TMEM185A: variants seen among roughly 807,000 people sequenced by gnomAD.
The protein encoded by TMEM185A is transmembrane protein 185A, also known as family with sequence similarity 11, member A.
In TMEM185A, 9 loss-of-function variants were observed where a neutral mutation model predicts 25.0. The observed-to-expected ratio is 0.36, with a 90% CI of 0.22 to 0.63. The LOEUF (loss-of-function observed/expected upper bound fraction) is 0.63. Among genes scored for constraint, TMEM185A ranks in the 20% least tolerant of loss-of-function variants. TMEM185A has a pLI of 0.68. For synonymous variants in TMEM185A, 45 were observed against 93.5 expected (o/e 0.48, Z 2.99); for missense variants, 103 against 237.4 (o/e 0.43, Z 3.72).
chrX:149,603,872 G>A (rs1419368448), intron 4 of TMEM185A, 115 bp downstream of exon 4: 1 of 558,203 alleles, frequency 1.8e-6, no homozygotes, highest in African/African-American at 2.3e-5. Context: ...GGGATTATGG[G>A]TGACTATTAG....
Position 149,611,294 on chromosome X carries a change from G to A in TMEM185A, c.208C>T (p.Gln70Ter), listed in dbSNP as rs1557354457. ...VGTGVWARNP[Q>*]YRAEGETCVE... ...TGTATAAAGCAGTATTACCGATATTGAGGATTTCGTGCCCAGACTCCAGTT... is the reference window on the plus strand; with the variant it reads ...TGTATAAAGCAGTATTACCGATATTAAGGATTTCGTGCCCAGACTCCAGTT... Residue 70 changes from glutamine to a stop codon, truncating the protein, a stop_gained, in exon 2 of 7, where the codon CAA becomes TAA. Transcript: ENST00000600449. LOFTEE classifies it high-confidence loss of function. 1 of 1,208,326 alleles carries A rather than the reference G, an allele frequency of 8.3e-7. No homozygotes were observed. The highest frequency in any genetic ancestry group is 2.2e-5 in the Admixed American group (1 of 45,481).
At chrX:149,619,999 G>C (rs782011725) in intron 1 of TMEM185A, among the ~76,000 whole-genome samples, 51 of 111,605 alleles carry the variant, frequency 4.6e-4, no homozygotes, top group Non-Finnish European at 8.9e-4. Context: ...AGGTGCTGGA[G>C]AGGATGTGGA....
Position 149,631,654 on chromosome X carries a change from G to A in TMEM185A, c.-74C>T. ...TGCTGCACAGCCTGCGCCTTACAGCGGGTTCATGGCGCCAGCGCCAGCCGC... is the reference window on the plus strand; with the variant it reads ...TGCTGCACAGCCTGCGCCTTACAGCAGGTTCATGGCGCCAGCGCCAGCCGC... On this transcript the variant is annotated 5_prime_UTR_variant, in exon 1 of 7. Transcript: ENST00000600449. 1 of 1,001,481 alleles carries A rather than the reference G, an allele frequency of 1.0e-6. No individual in the cohort carries two copies. Among genetic ancestry groups the A allele is most frequent in the Non-Finnish European group, 1.3e-6 (1 of 751,126 alleles). 82.5% of individuals were successfully genotyped at this position (1,001,481 alleles called of 1,213,427 possible). A position where few individuals can be genotyped will look rare whatever the true frequency, so the allele number is the denominator to read the frequency against.
rs182696226 is a variant in TMEM185A, at chrX:149,607,607, T to C, written c.423+1020A>G. Among the ~76,000 whole-genome samples, 131 of 113,030 alleles carry C rather than the reference T, an allele frequency of 1.2e-3. 1 individual carries two copies. Among genetic ancestry groups the C allele is most frequent in the African/African-American group, 3.9e-3 (123 of 31,149 alleles). Reference sequence around the variant, plus strand: ...CTTTCATTACTATTATTACTAGTCCTGGTATTTTATTCATCTGCATATCCT... The same window carrying C: ...CTTTCATTACTATTATTACTAGTCCCGGTATTTTATTCATCTGCATATCCT... On this transcript the variant is annotated intron_variant, in intron 3 of 6. Coordinates refer to ENST00000600449, the MANE Select transcript of TMEM185A (RefSeq NM_032508.4).
At chrX:149,607,157 A>G (rs2090056743) in intron 3 of TMEM185A, among the ~76,000 whole-genome samples, 1 of 111,467 alleles carries the variant, frequency 9.0e-6, no homozygotes, top group African/African-American at 3.3e-5. Flanking sequence ...GCCTTGCTCC[A>G]TCACCGTCCC....
intron 3 of TMEM185A, among the ~76,000 whole-genome samples, chrX:149,605,451 G>A (rs1242869053): frequency 1.2e-5 from 1 of 85,632 alleles, no homozygotes; most frequent in Non-Finnish European, 2.2e-5. Context: ...GGCCTCCCAT[G>A]TCACTTTCTA....
rs782050026 is a variant in TMEM185A, at chrX:149,611,363, T to C, written c.139A>G (p.Ile47Val). 27 of 1,209,931 alleles carry C rather than the reference T, an allele frequency of 2.2e-5. 1 individual carries two copies. In the Admixed American group the frequency reaches 3.7e-4, roughly 17 times the overall value. Residue 47 changes from isoleucine (I) to valine (V), a missense_variant, in exon 2 of 7, where the codon ATA (isoleucine) becomes GTA (valine). This residue lies in a region of TMEM185A where 102 missense variants were observed against 125.7 expected (regional missense o/e 0.81). Coordinates refer to ENST00000600449, the MANE Select transcript of TMEM185A (RefSeq NM_032508.4). ...ATGACCATTAACTTCCACAGCCATA[T>C]TGGAGCAAAGACAGCCCAGTAACTC... ...QWSYWAVFAP[I>V]WLWKLMVIVG...
chrX:149,610,140 T>C (rs1362189588), intron 2 of TMEM185A, among the ~76,000 whole-genome samples: 2 of 110,866 alleles, frequency 1.8e-5, no homozygotes, highest in East Asian at 5.6e-4. Context: ...TTTAAAAAGT[T>C]GATGTAGTGG....
At chrX:149,623,307 G>C (rs1470573893) in intron 1 of TMEM185A, among the ~76,000 whole-genome samples, 2 of 111,487 alleles carry the variant, frequency 1.8e-5, no homozygotes, top group African/African-American at 6.5e-5. Context: ...AGGGGAATGT[G>C]AATATCAAGG....
At chrX:149,604,614 C>T (rs188333318) in intron 3 of TMEM185A, among the ~76,000 whole-genome samples, 69 of 110,801 alleles carry the variant, frequency 6.2e-4, no homozygotes, top group African/African-American at 2.1e-3. Flanking sequence ...ACAAAAGCCC[C>T]GAAACCAGAT....
intron 2 of TMEM185A, 113 bp downstream of exon 2, chrX:149,611,173 CT>C: frequency 1.4e-6 from 1 of 718,621 alleles, no homozygotes; most frequent in Non-Finnish European, 2.0e-6. Flanking sequence ...TACTATAGTT[CT>C]AAGACCCCAG....
At chrX:149,598,636 A>G (rs1158052483) in intron 6 of TMEM185A, among the ~76,000 whole-genome samples, 2 of 30,704 alleles carry the variant, frequency 6.5e-5, no homozygotes, top group Non-Finnish European at 9.1e-5. Context: ...AGTGAGTCTC[A>G]AAATATCTGT....
At chrX:149,617,808 T>G (rs1557355184) in intron 1 of TMEM185A, among the ~76,000 whole-genome samples, 1 of 112,191 alleles carries the variant, frequency 8.9e-6, no homozygotes, top group Admixed American at 9.4e-5. Context: ...TAACTGAATT[T>G]TGATATATCC....
At chrX:149,612,205 A>G (rs1227920758) in intron 1 of TMEM185A, among the ~76,000 whole-genome samples, 1 of 112,195 alleles carries the variant, frequency 8.9e-6, no homozygotes, top group Admixed American at 9.4e-5. Flanking sequence ...TACAGTCTAC[A>G]AAAGAACAGT....
At chrX:149,605,672 TCAC>T (rs1267234004) in intron 3 of TMEM185A, among the ~76,000 whole-genome samples, 1 of 112,225 alleles carries the variant, frequency 8.9e-6, no homozygotes, top group Non-Finnish European at 1.9e-5. Context: ...TCACGTTCAG[TCAC>T]CACATCCTGT....
chrX:149,611,357 G>A lies in TMEM185A; in HGVS notation c.145C>T (p.Leu49=), dbSNP rs1557354469. Residue 49 remains leucine, a synonymous_variant, in exon 2 of 7, where the codon CTG becomes TTG. Coordinates refer to ENST00000600449, the MANE Select transcript of TMEM185A (RefSeq NM_032508.4). ...CCAACAATGACCATTAACTTCCACAGCCATATTGGAGCAAAGACAGCCCAG... is the reference window on the plus strand; with the variant it reads ...CCAACAATGACCATTAACTTCCACAACCATATTGGAGCAAAGACAGCCCAG... ...SYWAVFAPIW[L]WKLMVIVGAS... is the part of the protein sequence containing the mutation. 8.3e-7 allele frequency: 1 copy of A among 1,211,384 alleles called. No individual in the cohort carries two copies. The highest frequency in any genetic ancestry group is 2.2e-5 in the Admixed American group (1 of 46,016).
chrX:149,611,288 G>A lies in TMEM185A; in HGVS notation c.214C>T (p.Arg72Ter). The change falls in exon 2 of 7, where the codon CGA becomes TGA. Residue 72 changes from arginine (R) to a stop codon, truncating the protein, a stop_gained and splice_region_variant. Coordinates refer to ENST00000600449, the MANE Select transcript of TMEM185A (RefSeq NM_032508.4). LOFTEE classifies it high-confidence loss of function. ...ATGGGTTGTATAAAGCAGTATTACCGATATTGAGGATTTCGTGCCCAGACT... is the reference window on the plus strand; with the variant it reads ...ATGGGTTGTATAAAGCAGTATTACCAATATTGAGGATTTCGTGCCCAGACT... Reference protein sequence around the residue: ...TGVWARNPQYRAEGETCVEFK... With the variant: ...TGVWARNPQY 2.5e-6 allele frequency: 3 copies of A among 1,206,206 alleles called. No individual in the cohort carries two copies. Among genetic ancestry groups the A allele is most frequent in the African/African-American group, 1.7e-5 (1 of 57,468 alleles).
intron 4 of TMEM185A, among the ~76,000 whole-genome samples, chrX:149,603,293 T>C (rs2090027138): frequency 9.8e-6 from 1 of 102,478 alleles, no homozygotes; most frequent in South Asian, 4.2e-4. Context: ...TGGGTATGGC[T>C]TTTTTTTTTT....
At chrX:149,604,628 C>T (rs1358834222) in intron 3 of TMEM185A, among the ~76,000 whole-genome samples, 3 of 110,894 alleles carry the variant, frequency 2.7e-5, no homozygotes, top group South Asian at 7.7e-4. Context: ...ACCAGATAAA[C>T]CCACCCCATC....
Sources: allele counts gnomAD v4.1 joint callset (sites outside exome capture counted in the v4.1 genomes callset), GRCh38; gene constraint gnomAD v4.1.1; regional missense constraint gnomAD v4.1.1; transcripts MANE v1.5; gene names NCBI Gene and HGNC (gene_info 2026-07-23, HGNC 2026-07-21).